The following HIP1 variants were observed in gnomAD, a reference collection of about 807,000 sequenced individuals.
The protein encoded by HIP1 is huntingtin-interacting protein 1.
A neutral mutation model predicts 147.6 loss-of-function variants in HIP1; 65 were observed. The observed-to-expected ratio is 0.44, with a 90% CI of 0.36 to 0.54. The LOEUF is 0.54. Ranked by LOEUF, HIP1 falls within the 20% of genes least tolerant of loss-of-function variation. The pLI is 0.00. For synonymous variants in HIP1, 479 were observed against 504.0 expected, an observed-to-expected ratio of 0.95 and a Z score of 0.67; for missense variants, 1,061 against 1,299.6, an observed-to-expected ratio of 0.82 and a Z score of 2.82.
chr7:75,657,140 T>C (rs373720514), intron 1 of HIP1, among the ~76,000 whole-genome samples: 1 of 152,228 alleles, frequency 6.6e-6, no homozygotes, highest in Non-Finnish European at 1.5e-5. Flanking sequence ...CCATTTACAA[T>C]GGCAAAGACA....
chr7:75,591,465 C>G (rs1227940053), intron 4 of HIP1, among the ~76,000 whole-genome samples: 4 of 152,102 alleles, frequency 2.6e-5, no homozygotes, highest in African/African-American at 9.7e-5. Context: ...CTACCTCCCC[C>G]CTCATCCTAA....
At chr7:75,659,295 A>G (rs1442186799) in intron 1 of HIP1, among the ~76,000 whole-genome samples, 1 of 152,170 alleles carries the variant, frequency 6.6e-6, no homozygotes, top group Non-Finnish European at 1.5e-5. Context: ...AAGGGGAGGG[A>G]ATGCCCATTG....
intron 5 of HIP1, among the ~76,000 whole-genome samples, chr7:75,582,968 T>G (rs1400951361): frequency 6.6e-6 from 1 of 152,088 alleles, no homozygotes; most frequent in Non-Finnish European, 1.5e-5. Context: ...TTTCAGCACC[T>G]TCACCTCTAC....
chr7:75,610,492 G>A (rs1797393941), intron 1 of HIP1, among the ~76,000 whole-genome samples: 1 of 151,792 alleles, frequency 6.6e-6, no homozygotes, highest in African/African-American at 2.4e-5. Context: ...TAACAGTTGT[G>A]AGCCACCGCA....
At position 75,694,505 on chromosome 7, in the gene HIP1, CTT is replaced by C. The variant is rs11286111; in HGVS notation, c.120+44294_120+44295del. The stretch of plus-strand genomic sequence containing the variant: ...TTTTTTCTTTTTCTTTTCTTTCTTT[CTT>C]TTTTTTTTTTTTTTGAGGAGGGGGA... On this transcript the variant is annotated intron_variant, in intron 1 of 30. Transcript: ENST00000336926. Among the ~76,000 whole-genome samples the C allele has an allele frequency of 2.5e-3, 291 of 117,490 alleles. 1 individual carries two copies. Among genetic ancestry groups the C allele is most frequent in the African/African-American group, 8.1e-3 (239 of 29,362 alleles). The allele number at this position is 117,490 out of a possible 152,430, so 77.1% of individuals were successfully genotyped here.
chr7:75,694,209 C>T (rs1214315759), intron 1 of HIP1, among the ~76,000 whole-genome samples: 5 of 151,902 alleles, frequency 3.3e-5, no homozygotes, highest in African/African-American at 9.7e-5. Flanking sequence ...TGAGCCACCG[C>T]GCCCGGCCCC....
At chr7:75,669,492 G>A (rs1554515034) in intron 1 of HIP1, among the ~76,000 whole-genome samples, 1 of 152,142 alleles carries the variant, frequency 6.6e-6, no homozygotes, top group East Asian at 1.9e-4. Flanking sequence ...AACCCGGGAG[G>A]CAGAGGTTGC....
Position 75,663,997 on chromosome 7 carries a change from CATATATGTGTAT to C in HIP1, c.121-64762_121-64751del, listed in dbSNP as rs1799416711. Reference sequence around the variant, plus strand: ...ACACATATATGTGTATATATATACACATATATGTGTATATATATACACATATATGTGTATATA... The same window carrying C: ...ACACATATATGTGTATATATATACACATATATACACATATATGTGTATATA... On this transcript the variant is annotated intron_variant, in intron 1 of 30. Coordinates refer to ENST00000336926, the MANE Select transcript of HIP1 (RefSeq NM_005338.7). Among the ~76,000 whole-genome samples the C allele has an allele frequency of 6.9e-5, 2 of 29,106 alleles. 1 individual carries two copies. Among genetic ancestry groups the C allele is most frequent in the African/African-American group, 8.8e-4 (2 of 2,278 alleles). The allele number at this position is 29,106 out of a possible 152,430, so 19.1% of individuals were successfully genotyped here. A position where few individuals can be genotyped will look rare whatever the true frequency, so the allele number is the denominator to read the frequency against.
intron 1 of HIP1, among the ~76,000 whole-genome samples, chr7:75,706,560 C>T (rs552944147): frequency 6.8e-4 from 95 of 140,572 alleles, no homozygotes; most frequent in African/African-American, 1.8e-3. Flanking sequence ...ATGTGCACAA[C>T]GTGCAAGTTT....
intron 1 of HIP1, among the ~76,000 whole-genome samples, chr7:75,693,299 A>C (rs575565074): frequency 6.6e-6 from 1 of 152,084 alleles, no homozygotes; most frequent in East Asian, 1.9e-4. Context: ...TTATTTGTAC[A>C]CCTTCCTTTG....
In HIP1 at chr7:75,553,603, G is replaced by A; in HGVS notation, c.2159-14C>T. On this transcript the variant is annotated splice_polypyrimidine_tract_variant and intron_variant, in intron 21 of 30. Coordinates refer to ENST00000336926, the MANE Select transcript of HIP1 (RefSeq NM_005338.7). ...CCTCGGTCAGTGCTGGAGATACAAG[G>A]CAATAGACACTTTTTTTTTGAGATG... The A allele has an allele frequency of 6.2e-7, 1 of 1,609,250 alleles. No homozygotes were observed. Among genetic ancestry groups the A allele is most frequent in the East Asian group, 2.2e-5 (1 of 44,738 alleles).
rs34354618 is a variant in HIP1 at position 75,656,433 on chromosome 7, GAAAAAAAAA to G, written c.121-57195_121-57187del. 1.3e-4 allele frequency among the ~76,000 whole-genome samples: 17 copies of G among 134,212 alleles called. No homozygotes were observed. The East Asian group carries it at 3.9e-3, about 31-fold the overall frequency. The allele number at this position is 134,212 out of a possible 152,430, so 88.0% of individuals were successfully genotyped here. Reference sequence around the variant, plus strand: ...GGCACAAAGCAAAACTATAAACTTAGAAAAAAAAAAAAAAGAAAATATGTTTCCAACTTT... The same window carrying G: ...GGCACAAAGCAAAACTATAAACTTAGAAAAAGAAAATATGTTTCCAACTTT... On this transcript the variant is annotated intron_variant, in intron 1 of 30. Transcript: ENST00000336926.
rs1186757255 is a variant in HIP1 at position 75,562,097 on chromosome 7, T to C, written c.1094A>G (p.Gln365Arg). The C allele has an allele frequency of 1.2e-6, 2 of 1,611,994 alleles. No individual in the cohort carries two copies. Among genetic ancestry groups the C allele is most frequent in the Non-Finnish European group, 8.5e-7 (1 of 1,178,166 alleles). The change falls in exon 12 of 31, where the codon CAA becomes CGA. Residue 365 changes from glutamine (Q) to arginine (R), a missense_variant. Around this residue, in one of 3 missense-constraint regions of HIP1, gnomAD observed 810 missense variants for 946.8 expected, o/e 0.86. Transcript: ENST00000336926. ...CTTCTCATCCTTGTTCACACCATTT[T>C]GACTGTTGAAATTGAAGGGATCACT... Reference protein sequence around the residue: ...FSSDPFNFNSQNGVNKDEKDH... With the variant: ...FSSDPFNFNSRNGVNKDEKDH...
chr7:75,553,398 C>A, intron 22 of HIP1, 55 bp downstream of exon 22: 1 of 1,586,588 alleles, frequency 6.3e-7, no homozygotes, highest in Non-Finnish European at 8.6e-7. Context: ...GGCCATTCAC[C>A]AGCACGCACA....
chr7:75,608,111 C>A (rs587724903), intron 1 of HIP1, among the ~76,000 whole-genome samples: 1 of 152,178 alleles, frequency 6.6e-6, no homozygotes, highest in Non-Finnish European at 1.5e-5. Flanking sequence ...TCAAGTTCGG[C>A]CTGGCCAAGA....
intron 1 of HIP1, among the ~76,000 whole-genome samples, chr7:75,683,082 AAGCGATTCTCTTGCTCAGCCTCCCGAGC>A (rs1800145095): frequency 6.6e-6 from 1 of 152,040 alleles, no homozygotes; most frequent in African/African-American, 2.4e-5. Flanking sequence ...TTCCAGGTTC[AAGCGATTCTCTTGCTCAGCCTCCCGAGC>A]AGCTGGGACT....
chr7:75,625,571 C>T (rs1354123227), intron 1 of HIP1: 1 of 152,190 alleles, frequency 6.6e-6, no homozygotes, highest in African/African-American at 2.4e-5. Flanking sequence ...GACTGAGCCA[C>T]AGAAGTGAGC....
chr7:75,715,774 C>CAA (rs34769081), intron 1 of HIP1, among the ~76,000 whole-genome samples: 3,415 of 36,404 alleles, frequency 0.094, 532 homozygotes, highest in East Asian at 0.2. Context: ...GATCCTGTCT[C>CAA]AAAAAAAAAA....
intron 1 of HIP1, among the ~76,000 whole-genome samples, chr7:75,737,134 T>C (rs2097792): frequency 0.1 from 15,840 of 152,098 alleles, 1,065 homozygotes; most frequent in Middle Eastern, 0.18. Flanking sequence ...GTGTGTTGTC[T>C]AGGCAGGTAT....
Sources: allele counts gnomAD v4.1 joint callset (sites outside exome capture counted in the v4.1 genomes callset), GRCh38; gene constraint gnomAD v4.1.1; regional missense constraint gnomAD v4.1.1; transcripts MANE v1.5; gene names NCBI Gene and HGNC (gene_info 2026-07-23, HGNC 2026-07-21).